Variants in ENPEP observed in about 807,000 individuals in gnomAD.
The protein encoded by ENPEP is AP-A.
A neutral mutation model predicts 114.5 loss-of-function variants in ENPEP; 103 were observed. The observed-to-expected ratio is 0.90, with a 90% confidence interval of 0.77 to 1.06. The LOEUF is 1.06. Ranked by LOEUF, ENPEP falls within the 50% of genes least tolerant of loss-of-function variation. The pLI, the probability that ENPEP is intolerant of heterozygous loss-of-function variation, is 0.00. For synonymous variants in ENPEP, 420 were observed against 422.0 expected, an observed-to-expected ratio of 1.00 and a Z score of 0.06; for missense variants, 1,196 against 1,161.3, an observed-to-expected ratio of 1.03 and a Z score of -0.43.
chr4:110,506,579 T>C (rs1725375582), intron 3 of ENPEP, 58 bp from the exon 4 acceptor site: 1 of 1,535,780 alleles, frequency 6.5e-7, no homozygotes, highest in Admixed American at 2.1e-5. Context: ...ATCACAGTTT[T>C]TGTATTTTGT....
intron 1 of ENPEP, among the ~76,000 whole-genome samples, chr4:110,486,586 C>G (rs1286828235): frequency 6.6e-6 from 1 of 152,204 alleles, no homozygotes; most frequent in African/African-American, 2.4e-5. Context: ...TGTGACCACT[C>G]TACCTAATGT....
chr4:110,549,684 T>C (rs770427580), intron 16 of ENPEP, 32 bp from the exon 17 acceptor site: 3 of 1,612,958 alleles, frequency 1.9e-6, no homozygotes, highest in Middle Eastern at 3.3e-4. Flanking sequence ...AAAGAGTAGT[T>C]GAAATCTCTG....
chr4:110,531,426 C>CA, intron 11 of ENPEP, 149 bp downstream of exon 11: 1 of 564,418 alleles, frequency 1.8e-6, no homozygotes, highest in Non-Finnish European at 2.6e-6. Context: ...TCCAAATCTT[C>CA]ATCTACAATC....
chr4:110,551,692 G>C (rs1727292239), intron 17 of ENPEP, among the ~76,000 whole-genome samples: 1 of 152,140 alleles, frequency 6.6e-6, no homozygotes, highest in Non-Finnish European at 1.5e-5. Context: ...GCCAGTGAGA[G>C]GGAGAACAAC....
chr4:110,548,420 A>G, intron 14 of ENPEP, 94 bp downstream of exon 14: 1 of 1,091,654 alleles, frequency 9.2e-7, no homozygotes, highest in Non-Finnish European at 1.2e-6. Flanking sequence ...GGGGACCTAA[A>G]CCATGTTTGC....
At chr4:110,534,508 T>TTTC (rs1726535238) in intron 11 of ENPEP, among the ~76,000 whole-genome samples, 1 of 139,972 alleles carries the variant, frequency 7.1e-6, no homozygotes, top group Admixed American at 7.2e-5. Context: ...TTGTTTCTTT[T>TTTC]TTTTTTTTTT....
rs746458526 is a variant in ENPEP, at chr4:110,488,491, T to C, written c.645-50T>C. ...CCCCTAGGAATAGAGACATAGGGGT[T>C]GTCAGAAGAGGCAGCATGCATTTCG... On this transcript the variant is annotated intron_variant, in intron 1 of 19. Coordinates refer to ENST00000265162, the MANE Select transcript of ENPEP (RefSeq NM_001977.4). 13 of 1,536,518 alleles carry C rather than the reference T, an allele frequency of 8.5e-6. No homozygotes were observed. The South Asian group carries it at 1.6e-4, about 19-fold the overall frequency.
intron 18 of ENPEP, among the ~76,000 whole-genome samples, chr4:110,556,977 A>G (rs1727496930): frequency 6.6e-6 from 1 of 152,342 alleles, no homozygotes; most frequent in East Asian, 1.9e-4. Flanking sequence ...GTAAAGAGTC[A>G]CACAAATACA....
At chr4:110,526,240 C>T (rs112680269) in intron 10 of ENPEP, among the ~76,000 whole-genome samples, 5,070 of 152,192 alleles carry the variant, frequency 0.033, 300 homozygotes, top group African/African-American at 0.12. Context: ...CATGCTACTG[C>T]ACTCCAGCCT....
chr4:110,491,053 T>C lies in ENPEP; in HGVS notation c.807T>C (p.Asp269=), dbSNP rs1248262849. The change falls in exon 3 of 20, where the codon GAT becomes GAC. Residue 269 remains aspartate, a synonymous_variant. Coordinates refer to ENST00000265162, the MANE Select transcript of ENPEP (RefSeq NM_001977.4). The part of the protein sequence containing the change: ...MPVAKEESVD[D]KWTRTTFEKS... ...AATAGAAAGAAGAGTCAGTGGATGA[T>C]AAATGGACTCGAACAACTTTTGAGA... The C allele has an allele frequency of 5.6e-6, 9 of 1,610,446 alleles. No individual in the cohort carries two copies. Among genetic ancestry groups the C allele is most frequent in the Non-Finnish European group, 6.8e-6 (8 of 1,179,298 alleles).
intron 6 of ENPEP, chr4:110,512,632 A>G (rs984177519): frequency 6.6e-6 from 1 of 152,212 alleles, no homozygotes; most frequent in Non-Finnish European, 1.5e-5. Flanking sequence ...TAGATTTCAG[A>G]ATCTTACTGC....
At chr4:110,499,024 G>A (rs1725053082) in intron 3 of ENPEP, among the ~76,000 whole-genome samples, 2 of 152,060 alleles carry the variant, frequency 1.3e-5, no homozygotes, top group Admixed American at 1.3e-4. Flanking sequence ...AAAAAGTTTG[G>A]GCTTTTAAAT....
At chr4:110,508,372 G>A (rs1197812526) in intron 4 of ENPEP, among the ~76,000 whole-genome samples, 1 of 152,014 alleles carries the variant, frequency 6.6e-6, no homozygotes, top group Non-Finnish European at 1.5e-5. Context: ...GCCCTTGGGG[G>A]AGATACTTCT....
chr4:110,527,872 A>C (rs1488713265), intron 10 of ENPEP, among the ~76,000 whole-genome samples: 1 of 152,238 alleles, frequency 6.6e-6, no homozygotes, highest in Admixed American at 6.5e-5. Context: ...AGCCAAAGAC[A>C]GTCAACAATT....
intron 3 of ENPEP, among the ~76,000 whole-genome samples, chr4:110,505,761 T>A (rs112879371): frequency 9.2e-4 from 140 of 152,326 alleles, no homozygotes; most frequent in African/African-American, 3.2e-3. Flanking sequence ...TCTCACAAAC[T>A]TTTAGCAGAC....
chr4:110,489,596 A>C (rs1314885636), intron 2 of ENPEP, among the ~76,000 whole-genome samples: 1 of 152,070 alleles, frequency 6.6e-6, no homozygotes, highest in Non-Finnish European at 1.5e-5. Flanking sequence ...AAAAAGAAAA[A>C]AGAGAAAAAA....
At chr4:110,528,514 T>G (rs1256559733) in intron 10 of ENPEP, among the ~76,000 whole-genome samples, 2 of 152,240 alleles carry the variant, frequency 1.3e-5, no homozygotes, top group African/African-American at 2.4e-5. Flanking sequence ...CTATAAATAT[T>G]TTCTCACTGT....
Position 110,561,667 on chromosome 4 carries a change from C to T in ENPEP, c.*109C>T. On this transcript the variant is annotated 3_prime_UTR_variant, in exon 20 of 20. Coordinates refer to ENST00000265162, the MANE Select transcript of ENPEP (RefSeq NM_001977.4). ...GAGAGAGCCTTATAAACAGATAATGCTTTTACTAAGCACTGTGTTTATATG... is the reference window on the plus strand; with the variant it reads ...GAGAGAGCCTTATAAACAGATAATGTTTTTACTAAGCACTGTGTTTATATG... 9.7e-7 allele frequency: 1 copy of T among 1,035,556 alleles called. No individual in the cohort carries two copies. The highest frequency in any genetic ancestry group is 1.4e-6 in the Non-Finnish European group (1 of 720,844). 64.1% of individuals were successfully genotyped at this position (1,035,556 alleles called of 1,614,324 possible).
chr4:110,490,268 C>T (rs527754797), intron 2 of ENPEP, among the ~76,000 whole-genome samples: 3 of 152,176 alleles, frequency 2.0e-5, no homozygotes, highest in African/African-American at 4.8e-5. Context: ...GGAGCCCCAC[C>T]ACGATTATAC....
Sources: allele counts gnomAD v4.1 joint callset (sites outside exome capture counted in the v4.1 genomes callset), GRCh38; gene constraint gnomAD v4.1.1; transcripts MANE v1.5; gene names NCBI Gene and HGNC (gene_info 2026-07-23, HGNC 2026-07-21).